The following SLC14A2 variants were observed in gnomAD, a reference collection of about 807,000 sequenced individuals.
The protein encoded by SLC14A2 is solute carrier family 14 member 2.
SLC14A2 carries 91 observed loss-of-function variants against 104.6 expected under a neutral mutation model. The observed-to-expected ratio is 0.87, with a 90% confidence interval of 0.73 to 1.04. The LOEUF (loss-of-function observed/expected upper bound fraction) is 1.04, where lower values mean the gene tolerates loss of function less well. SLC14A2 is among the 50% of genes least tolerant of loss of function. The pLI, the probability that SLC14A2 is intolerant of heterozygous loss-of-function variation, is 0.00. For synonymous variants in SLC14A2, 476 were observed against 466.4 expected, an observed-to-expected ratio of 1.02 and a Z score of -0.27; for missense variants, 1,189 against 1,156.0, an observed-to-expected ratio of 1.03 and a Z score of -0.41.
intron 1 of SLC14A2, among the ~76,000 whole-genome samples, chr18:45,301,624 T>G (rs529707660): frequency 1.3e-5 from 2 of 152,228 alleles, no homozygotes; most frequent in African/African-American, 4.8e-5. Flanking sequence ...GTGACTGATA[T>G]CAGAGATTTG....
chr18:45,347,287 AGAGGTTGCATT>A (rs1223900591), intron 1 of SLC14A2, among the ~76,000 whole-genome samples: 1 of 152,026 alleles, frequency 6.6e-6, no homozygotes, highest in Non-Finnish European at 1.5e-5. Flanking sequence ...GCCAGGGGAC[AGAGGTTGCATT>A]GAGTCAAGAT....
intron 1 of SLC14A2, among the ~76,000 whole-genome samples, chr18:45,316,049 T>A (rs2085126233): frequency 6.6e-6 from 1 of 152,198 alleles, no homozygotes; most frequent in Non-Finnish European, 1.5e-5. Flanking sequence ...AGTAGGGGGC[T>A]ATTCTCAGGG....
At chr18:45,455,281 G>A (rs574149372) in intron 1 of SLC14A2, among the ~76,000 whole-genome samples, 1 of 152,292 alleles carries the variant, frequency 6.6e-6, no homozygotes, top group African/African-American at 2.4e-5. Context: ...GAAAGAAAAT[G>A]TGGCACATAT....
intron 10 of SLC14A2, among the ~76,000 whole-genome samples, chr18:45,654,053 T>C (rs542927544): frequency 2.0e-5 from 3 of 152,126 alleles, no homozygotes; most frequent in Non-Finnish European, 4.4e-5. Flanking sequence ...GAAACCTACC[T>C]GATCCAACCA....
At chr18:45,223,241 C>T (rs779171790) in intron 1 of SLC14A2, among the ~76,000 whole-genome samples, 9 of 152,124 alleles carry the variant, frequency 5.9e-5, no homozygotes, top group Non-Finnish European at 5.9e-5. Context: ...TGTCTCTGGT[C>T]GCTGGGAGCT....
At chr18:45,417,618 C>T (rs1332580715) in intron 1 of SLC14A2, among the ~76,000 whole-genome samples, 3 of 152,106 alleles carry the variant, frequency 2.0e-5, no homozygotes, top group Non-Finnish European at 1.5e-5. Context: ...ATTCAATTAC[C>T]TCCCACCAGG....
intron 6 of SLC14A2, among the ~76,000 whole-genome samples, chr18:45,638,338 A>G (rs1011267374): frequency 1.3e-5 from 2 of 152,194 alleles, no homozygotes; most frequent in African/African-American, 4.8e-5. Context: ...ATTCATTCAG[A>G]GACAAGAGTG....
chr18:45,460,947 G>T (rs907854768), intron 1 of SLC14A2, among the ~76,000 whole-genome samples: 2 of 152,258 alleles, frequency 1.3e-5, no homozygotes, highest in East Asian at 1.9e-4. Context: ...AGTAGGTGTT[G>T]TATGAACCCC....
chr18:45,300,189 T>C (rs1365779593), intron 1 of SLC14A2, among the ~76,000 whole-genome samples: 1 of 152,208 alleles, frequency 6.6e-6, no homozygotes, highest in African/African-American at 2.4e-5. Flanking sequence ...ACAGTTATCC[T>C]TCTGGTCAGT....
At chr18:45,268,362 A>G (rs1455102840) in intron 1 of SLC14A2, among the ~76,000 whole-genome samples, 1 of 152,230 alleles carries the variant, frequency 6.6e-6, no homozygotes, top group South Asian at 2.1e-4. Flanking sequence ...TATAAAAGTT[A>G]AATAGAAATG....
At chr18:45,349,932 A>C (rs889970464) in intron 1 of SLC14A2, among the ~76,000 whole-genome samples, 1 of 152,270 alleles carries the variant, frequency 6.6e-6, no homozygotes, top group African/African-American at 2.4e-5. Context: ...GACTACTTCA[A>C]GAAGCATAAG....
At chr18:45,248,892 A>G (rs1451390329) in intron 1 of SLC14A2, among the ~76,000 whole-genome samples, 1 of 152,240 alleles carries the variant, frequency 6.6e-6, no homozygotes, top group Non-Finnish European at 1.5e-5. Flanking sequence ...ATAAATTTTC[A>G]ATAAATCTGC....
intron 18 of SLC14A2, among the ~76,000 whole-genome samples, chr18:45,674,535 GCTGT>G (rs1463845854): frequency 1.3e-5 from 2 of 151,860 alleles, no homozygotes; most frequent in Admixed American, 6.6e-5. Flanking sequence ...GGGTAAAGCT[GCTGT>G]CTTTTTCATT....
intron 1 of SLC14A2, among the ~76,000 whole-genome samples, chr18:45,307,021 T>C (rs895832159): frequency 6.6e-6 from 1 of 152,198 alleles, no homozygotes; most frequent in East Asian, 1.9e-4. Context: ...GTTAAAAGCT[T>C]TACTCTTGCC....
intron 1 of SLC14A2, among the ~76,000 whole-genome samples, chr18:45,396,969 C>A (rs556604397): frequency 1.4e-4 from 22 of 152,154 alleles, no homozygotes; most frequent in Non-Finnish European, 2.8e-4. Flanking sequence ...CCTCCAGCTC[C>A]ACCCATGTTT....
At chr18:45,407,102 G>A (rs2086163853) in intron 1 of SLC14A2, among the ~76,000 whole-genome samples, 2 of 152,180 alleles carry the variant, frequency 1.3e-5, no homozygotes, top group South Asian at 4.1e-4. Context: ...CCTGAGCTAT[G>A]AAAGTCCTAG....
chr18:45,439,789 A>T (rs1437282807), intron 1 of SLC14A2, among the ~76,000 whole-genome samples: 1 of 152,192 alleles, frequency 6.6e-6, no homozygotes, highest in Non-Finnish European at 1.5e-5. Flanking sequence ...AGTTTGCAAG[A>T]ACCCAACAGA....
intron 1 of SLC14A2, among the ~76,000 whole-genome samples, chr18:45,378,772 T>C (rs888383460): frequency 2.0e-5 from 3 of 152,144 alleles, no homozygotes; most frequent in Non-Finnish European, 2.9e-5. Flanking sequence ...GCTGTTGTTG[T>C]TGTTGTTGTT....
At chr18:45,330,649 T>G (rs1464394084) in intron 1 of SLC14A2, among the ~76,000 whole-genome samples, 1 of 152,214 alleles carries the variant, frequency 6.6e-6, no homozygotes, top group Non-Finnish European at 1.5e-5. Context: ...TGCATGCAGA[T>G]GTGAGGTCAT....
Sources: allele counts gnomAD v4.1 joint callset (sites outside exome capture counted in the v4.1 genomes callset), GRCh38; gene constraint gnomAD v4.1.1; transcripts MANE v1.5; gene names NCBI Gene and HGNC (gene_info 2026-07-23, HGNC 2026-07-21).